SVIL: variants seen among roughly 807,000 people sequenced by gnomAD.
SVIL encodes archvillin.
A neutral mutation model predicts 240.4 loss-of-function variants in SVIL; 101 were observed. The observed-to-expected ratio is 0.42, with a 90% CI of 0.36 to 0.50. The LOEUF is 0.50. Among genes scored for constraint, SVIL ranks in the 20% least tolerant of loss-of-function variants. The pLI is 0.01. For missense variants in SVIL, 2,512 were observed against 2,818.7 expected (o/e 0.89, Z 2.46); for synonymous variants, 999 against 1,100.0 (o/e 0.91, Z 1.82).
intron 33 of SVIL, among the ~76,000 whole-genome samples, chr10:29,466,111 A>C (rs2132288101): frequency 6.6e-6 from 1 of 152,236 alleles, no homozygotes; most frequent in African/African-American, 2.4e-5. Context: ...CACAAATAGA[A>C]CACTCACCAA....
chr10:29,528,071 T>C (rs962340825), intron 12 of SVIL, among the ~76,000 whole-genome samples: 64 of 152,158 alleles, frequency 4.2e-4, no homozygotes, highest in African/African-American at 1.4e-3. Context: ...ATACAATCTA[T>C]AGGCACATCA....
chr10:29,732,464 T>C (rs1964677829), intron 1 of SVIL, among the ~76,000 whole-genome samples: 1 of 152,232 alleles, frequency 6.6e-6, no homozygotes. Context: ...TAGAGTATAT[T>C]TGCTCATTTG....
intron 33 of SVIL, among the ~76,000 whole-genome samples, chr10:29,466,804 ATTCTG>A (rs1315540175): frequency 3.9e-5 from 6 of 152,208 alleles, no homozygotes; most frequent in Non-Finnish European, 8.8e-5. Context: ...AGAAATGTGA[ATTCTG>A]TTCTGAGAAA....
chr10:29,721,254 AAAC>A (rs890691556), intron 1 of SVIL, among the ~76,000 whole-genome samples: 3 of 87,172 alleles, frequency 3.4e-5, no homozygotes, highest in Admixed American at 1.2e-4. Flanking sequence ...ACAAACAAAC[AAAC>A]AAAAAAACAC....
At chr10:29,681,021 G>A (rs1382648842) in intron 2 of SVIL, among the ~76,000 whole-genome samples, 1 of 152,186 alleles carries the variant, frequency 6.6e-6, no homozygotes, top group African/African-American at 2.4e-5. Flanking sequence ...CTCAGGGGCA[G>A]GAGACGGAAA....
intron 33 of SVIL, among the ~76,000 whole-genome samples, chr10:29,466,272 T>TATATACATTATACATGTATATAA (rs1944912046): frequency 3.3e-5 from 5 of 151,872 alleles, no homozygotes; most frequent in Non-Finnish European, 5.9e-5. Context: ...TATTGTATTT[T>TATATACATTATACATGTATATAA]ATATACATTA....
intron 3 of SVIL, among the ~76,000 whole-genome samples, chr10:29,560,594 A>G (rs1954365259): frequency 6.6e-6 from 1 of 152,214 alleles, no homozygotes; most frequent in Non-Finnish European, 1.5e-5. Context: ...AAATGAACAG[A>G]AAGAGACTTC....
At chr10:29,679,798 G>A (rs1960490071) in intron 2 of SVIL, among the ~76,000 whole-genome samples, 1 of 150,968 alleles carries the variant, frequency 6.6e-6, no homozygotes, top group Admixed American at 6.6e-5. Context: ...CTTTACAGAA[G>A]TTCGTTTACA....
upstream of SVIL, among the ~76,000 whole-genome samples, chr10:29,636,713 C>A (rs1478754380): frequency 3.9e-5 from 6 of 152,184 alleles, no homozygotes; most frequent in Non-Finnish European, 8.8e-5. Context: ...GAAGAAAAAT[C>A]AACACACAAA....
chr10:29,635,113 C>T (rs1489681575), upstream of SVIL: 1 of 152,176 alleles, frequency 6.6e-6, no homozygotes, highest in Non-Finnish European at 1.5e-5. Context: ...ACTTCAAATG[C>T]AATTAGGTTG....
chr10:29,640,854 CG>C (rs1328120025), intron 3 of SVIL, among the ~76,000 whole-genome samples: 1 of 152,142 alleles, frequency 6.6e-6, no homozygotes, highest in Non-Finnish European at 1.5e-5. Context: ...CCATCCTCTC[CG>C]CCACTTCCAG....
At position 29,458,150 on chromosome 10, in the gene SVIL, A is replaced by G; in HGVS notation, c.*97T>C. 8.5e-7 allele frequency: 1 copy of G among 1,179,576 alleles called. No individual in the cohort carries two copies. The highest frequency in any genetic ancestry group is 1.2e-6 in the Non-Finnish European group (1 of 827,388). The allele number at this position is 1,179,576 out of a possible 1,614,324, so 73.1% of individuals were successfully genotyped here. ...GTTCTGAAAACTCTGATTGAAAAATACTTTGTGAAAAACACCAGTCCAAAA... is the reference window on the plus strand; with the variant it reads ...GTTCTGAAAACTCTGATTGAAAAATGCTTTGTGAAAAACACCAGTCCAAAA... On this transcript the variant is annotated 3_prime_UTR_variant, in exon 38 of 38. Transcript: ENST00000355867.
At chr10:29,610,600 T>C (rs1957208625) in intron 1 of SVIL, among the ~76,000 whole-genome samples, 2 of 152,104 alleles carry the variant, frequency 1.3e-5, no homozygotes, top group Non-Finnish European at 1.5e-5. Flanking sequence ...TTTGTATTTT[T>C]AGTAGAGACG....
At chr10:29,494,867 G>A in intron 20 of SVIL, 47 bp downstream of exon 20, 1 of 1,565,842 alleles carries the variant, frequency 6.4e-7, no homozygotes, top group Non-Finnish European at 8.8e-7. Flanking sequence ...ATCAGAATTA[G>A]GATTTAGAGA....
chr10:29,590,444 G>T lies in SVIL; in HGVS notation c.-200-21132C>A, dbSNP rs1390277994. Among the ~76,000 whole-genome samples the T allele has an allele frequency of 2.0e-5, 3 of 152,062 alleles. No homozygotes were observed. The East Asian group carries it at 5.8e-4, about 29-fold the overall frequency. On this transcript the variant is annotated intron_variant, in intron 1 of 37. Transcript: ENST00000355867. ...CTGCATTTTCCCCCGACATTAAAACGGTGCCAACCGCATGGACAGAATGAT... is the reference window on the plus strand; with the variant it reads ...CTGCATTTTCCCCCGACATTAAAACTGTGCCAACCGCATGGACAGAATGAT...
At chr10:29,472,245 A>T (rs1486544945) in intron 30 of SVIL, among the ~76,000 whole-genome samples, 1 of 152,240 alleles carries the variant, frequency 6.6e-6, no homozygotes, top group Non-Finnish European at 1.5e-5. Context: ...ATATTCATTC[A>T]TGGCCTTTAC....
At chr10:29,630,235 A>T (rs971038088) in intron 1 of SVIL, among the ~76,000 whole-genome samples, 1 of 152,184 alleles carries the variant, frequency 6.6e-6, no homozygotes, top group African/African-American at 2.4e-5. Flanking sequence ...TATGGACTGA[A>T]ATGAATGTAC....
At chr10:29,480,861 T>C in intron 28 of SVIL, 48 bp from the exon 29 acceptor site, 2 of 1,568,014 alleles carry the variant, frequency 1.3e-6, no homozygotes, top group Non-Finnish European at 1.7e-6. Context: ...TTTCTGCAGC[T>C]ATTCCTTGTC....
upstream of SVIL, among the ~76,000 whole-genome samples, chr10:29,637,487 C>T (rs564741637): frequency 1.5e-4 from 23 of 152,152 alleles, no homozygotes; most frequent in East Asian, 1.4e-3. Flanking sequence ...AGTGAGACTC[C>T]GTCTCAAAAG....
Sources: allele counts gnomAD v4.1 joint callset (sites outside exome capture counted in the v4.1 genomes callset), GRCh38; gene constraint gnomAD v4.1.1; transcripts MANE v1.5; gene names NCBI Gene and HGNC (gene_info 2026-07-23, HGNC 2026-07-21).